Variants in CDK9 observed in about 807,000 individuals in gnomAD.
The protein encoded by CDK9 is cyclin-dependent kinase 9.
CDK9 carries 34 observed loss-of-function variants against 39.0 expected under a neutral mutation model. The observed-to-expected ratio is 0.87, with a 90% CI of 0.66 to 1.16. CDK9 has a LOEUF of 1.16. Ranked by LOEUF, CDK9 falls within the 50% of genes most tolerant of loss-of-function variation. CDK9 has a pLI of 0.00. For synonymous variants in CDK9, 233 were observed against 196.2 expected (o/e 1.19, Z -1.57); for missense variants, 369 against 503.2 (o/e 0.73, Z 2.55).
At chr9:127,786,857 T>G (rs550439902) in intron 2 of CDK9, 75 bp downstream of exon 2, 2 of 1,160,162 alleles carry the variant, frequency 1.7e-6, no homozygotes, top group South Asian at 2.6e-5. Context: ...CCCTGCTGCT[T>G]CTGGGAGTCT....
intron 5 of CDK9, 75 bp from the exon 6 acceptor site, chr9:127,788,469 C>T: frequency 3.9e-6 from 6 of 1,533,424 alleles, no homozygotes; most frequent in African/African-American, 1.4e-5. Context: ...GCTTCTTGAG[C>T]TGCCGGCCCT....
intron 3 of CDK9, 85 bp from the exon 4 acceptor site, chr9:127,787,862 T>A: frequency 6.9e-7 from 1 of 1,444,922 alleles, no homozygotes; most frequent in Non-Finnish European, 9.7e-7. Context: ...GCCCGTGGGT[T>A]GGAGCAGGAA....
chr9:127,788,361 T>G lies in CDK9; in HGVS notation c.580T>G (p.Tyr194Asp). The change falls in exon 5 of 7, where the codon TAC (tyrosine) becomes GAC (aspartate). Residue 194 changes from tyrosine to aspartate, a missense_variant. By Grantham distance (160) the Tyr-to-Asp change is radical (BLOSUM62 -3). Coordinates refer to ENST00000373264, the MANE Select transcript of CDK9 (RefSeq NM_001261.4). The stretch of plus-strand genomic sequence containing the variant: ...CACCAACCGTGTGGTGACACTCTGG[T>G]ACCGGCCCCCGGAGCTGTTGCTCGG... Reference protein sequence around the residue: ...RYTNRVVTLWYRPPELLLGER... With the variant: ...RYTNRVVTLWDRPPELLLGER... The G allele has an allele frequency of 1.9e-6, 3 of 1,612,742 alleles. No individual in the cohort carries two copies. The highest frequency in any genetic ancestry group is 1.3e-5 in the African/African-American group (1 of 75,066).
chr9:127,787,904 G>A (rs746598695), intron 3 of CDK9, 43 bp from the exon 4 acceptor site: 5 of 1,602,728 alleles, frequency 3.1e-6, no homozygotes, highest in Non-Finnish European at 4.3e-6. Context: ...AGTGTGTTGG[G>A]TGTGGTTTTC....
intron 6 of CDK9, 95 bp downstream of exon 6, chr9:127,788,787 G>GA: frequency 1.5e-6 from 2 of 1,317,492 alleles, no homozygotes; most frequent in Non-Finnish European, 2.1e-6. Flanking sequence ...CTCTCTGGAA[G>GA]GGAGGCTGGT....
At chr9:127,787,909 G>T (rs919299113) in intron 3 of CDK9, 38 bp from the exon 4 acceptor site, 7 of 1,609,506 alleles carry the variant, frequency 4.3e-6, no homozygotes, top group Non-Finnish European at 5.9e-6. Context: ...GTTGGGTGTG[G>T]TTTTCTTGAC....
intron 1 of CDK9, 109 bp downstream of exon 1, chr9:127,786,349 C>T (rs1336232730): frequency 8.5e-6 from 8 of 946,396 alleles, no homozygotes; most frequent in Non-Finnish European, 1.2e-5. Context: ...TGTCCCCGGG[C>T]TTGCCTGCTG....
In CDK9 at chr9:127,789,417, C is replaced by T; in HGVS notation, c.993C>T (p.His331=). The change falls in exon 7 of 7, where the codon CAC becomes CAT. Residue 331 remains histidine (H), a synonymous_variant. Transcript: ENST00000373264. The surrounding 1 kb of genome is among the most constrained non-coding windows in gnomAD (Gnocchi z 5.2). The part of the protein sequence containing the change: ...PSDLKGMLST[H]LTSMFEYLAP... ...ACCTCAAGGGCATGCTCTCCACCCA[C>T]CTGACGTCCATGTTCGAGTACTTGG... is the stretch of plus-strand genomic sequence containing the variant. 2.5e-6 allele frequency: 4 copies of T among 1,614,134 alleles called. No homozygotes were observed. In the South Asian group the frequency reaches 4.4e-5, roughly 18 times the overall value.
rs1829394267 is a variant in CDK9, at chr9:127,789,693, G to A, written c.*150G>A. ...CTGGGAGCAGCCCGCTGAGTGGACT[G>A]GAGTGGAGCATTGGCTGAGAGACCA... On this transcript the variant is annotated 3_prime_UTR_variant, in exon 7 of 7. Transcript: ENST00000373264. This position sits in a 1 kb window ranked among gnomAD's most constrained non-coding sequence, Gnocchi z 5.2. 2.0e-6 allele frequency: 2 copies of A among 1,004,750 alleles called. No individual in the cohort carries two copies. Among genetic ancestry groups the A allele is most frequent in the South Asian group, 1.7e-5 (1 of 59,316 alleles). 62.2% of individuals were successfully genotyped at this position (1,004,750 alleles called of 1,614,324 possible).
chr9:127,786,953 G>A (rs1829335196), intron 2 of CDK9, among the ~76,000 whole-genome samples, 171 bp downstream of exon 2: 1 of 152,192 alleles, frequency 6.6e-6, no homozygotes. Flanking sequence ...TTCATTCTTA[G>A]GCAGTTATGG....
chr9:127,788,752 G>A, intron 6 of CDK9, 60 bp downstream of exon 6: 1 of 1,488,066 alleles, frequency 6.7e-7, no homozygotes, highest in Admixed American at 2.2e-5. Flanking sequence ...GAGGAGGAGT[G>A]GGGAGTAGAA....
At position 127,789,568 on chromosome 9, in the gene CDK9, CT is replaced by C. The variant is rs1456104275; in HGVS notation, c.*27del. On this transcript the variant is annotated 3_prime_UTR_variant, in exon 7 of 7. Coordinates refer to ENST00000373264, the MANE Select transcript of CDK9 (RefSeq NM_001261.4). The surrounding 1 kb of genome is among the most constrained non-coding windows in gnomAD (Gnocchi z 5.2). ...AGGGCCGGCGCTTGCCACTAGGGCT[CT>C]TGTGTTTTTTTTCTTCTGCTATGTG... The C allele has an allele frequency of 6.2e-7, 1 of 1,601,602 alleles. No individual in the cohort carries two copies. Among genetic ancestry groups the C allele is most frequent in the Non-Finnish European group, 8.5e-7 (1 of 1,173,040 alleles).
Position 127,789,583 on chromosome 9 carries a change from T to G in CDK9, c.*40T>G. 6.3e-7 allele frequency: 1 copy of G among 1,593,134 alleles called. No homozygotes were observed. The highest frequency in any genetic ancestry group is 8.6e-7 in the Non-Finnish European group (1 of 1,169,516). ...CACTAGGGCTCTTGTGTTTTTTTTC[T>G]TCTGCTATGTGACTTGCATCGTGGA... is the stretch of plus-strand genomic sequence containing the variant. On this transcript the variant is annotated 3_prime_UTR_variant, in exon 7 of 7. Transcript: ENST00000373264. This position sits in a 1 kb window ranked among gnomAD's most constrained non-coding sequence, Gnocchi z 5.2.
chr9:127,787,068 A>G (rs534407254), intron 2 of CDK9, among the ~76,000 whole-genome samples: 1 of 152,306 alleles, frequency 6.6e-6, no homozygotes, highest in South Asian at 2.1e-4. Context: ...CGCTTAATGT[A>G]AAAGAAAGAT....
chr9:127,787,470 C>G, intron 2 of CDK9, 48 bp from the exon 3 acceptor site: 1 of 1,316,882 alleles, frequency 7.6e-7, no homozygotes, highest in Non-Finnish European at 1.1e-6. Flanking sequence ...CAGGGCTGGG[C>G]TCTGTACTGC....
intron 2 of CDK9, 135 bp downstream of exon 2, chr9:127,786,917 G>C: frequency 1.4e-6 from 1 of 691,554 alleles, no homozygotes; most frequent in South Asian, 1.9e-5. Context: ...TCCAGGGAAT[G>C]TGGCTTCCAC....
At chr9:127,787,642 T>G (rs767851738) in intron 3 of CDK9, 34 bp downstream of exon 3, 2 of 1,475,746 alleles carry the variant, frequency 1.4e-6, no homozygotes, top group African/African-American at 2.8e-5. Context: ...AAGATGACAC[T>G]TGTAGCCTAA....
chr9:127,787,532 C>G lies in CDK9; in HGVS notation c.189C>G (p.Ala63=), dbSNP rs34238383. The change falls in exon 3 of 7, where the codon GCC becomes GCG. Residue 63 remains alanine, a synonymous_variant. Transcript: ENST00000373264. ...TTCTCACCCAGTTCCCCATTACAGC[C>G]TTGCGGGAGATCAAGATCCTTCAGC... The part of the protein sequence containing the change: ...ENEKEGFPIT[A]LREIKILQLL... 3 of 1,612,638 alleles carry G rather than the reference C, an allele frequency of 1.9e-6. No homozygotes were observed. Among genetic ancestry groups the G allele is most frequent in the Non-Finnish European group, 2.5e-6 (3 of 1,178,798 alleles).
Position 127,786,316 on chromosome 9 carries a change from C to CCT in CDK9, c.92+77_92+78insTC, listed in dbSNP as rs1554803155. Reference sequence around the variant, plus strand: ...CCGACGTCGGGATGCCCGGGCCCCCCCCGAGTTGGTAGAGAAGTCGTCTGT... The same window carrying CCT: ...CCGACGTCGGGATGCCCGGGCCCCCCCTCCGAGTTGGTAGAGAAGTCGTCTGT... On this transcript the variant is annotated intron_variant, in intron 1 of 6. Transcript: ENST00000373264. 9 of 1,216,644 alleles carry CCT rather than the reference C, an allele frequency of 7.4e-6. No homozygotes were observed. In the African/African-American group the frequency reaches 1.4e-4, roughly 19 times the overall value. The allele number at this position is 1,216,644 out of a possible 1,614,324, so 75.4% of individuals were successfully genotyped here. A position where few individuals can be genotyped will look rare whatever the true frequency, so the allele number is the denominator to read the frequency against.
Sources: allele counts gnomAD v4.1 joint callset (sites outside exome capture counted in the v4.1 genomes callset), GRCh38; gene constraint gnomAD v4.1.1; non-coding constraint Gnocchi (gnomAD v3.1); transcripts MANE v1.5; gene names NCBI Gene and HGNC (gene_info 2026-07-23, HGNC 2026-07-21).